Variants in ZNF827 observed in about 807,000 individuals in gnomAD.
The protein encoded by ZNF827 is zinc finger protein 827.
A neutral mutation model predicts 102.4 loss-of-function variants in ZNF827; 13 were observed. The ratio of observed to expected loss-of-function variants is 0.13; its 90% CI spans 0.08 to 0.20. The LOEUF is 0.20. ZNF827 is among the 10% of genes least tolerant of loss of function. The pLI, the probability that ZNF827 is intolerant of heterozygous loss-of-function variation, is 1.00. For missense variants in ZNF827, 1,103 were observed against 1,344.4 expected (o/e 0.82, Z 2.81); for synonymous variants, 523 against 536.2 (o/e 0.98, Z 0.34).
intron 4 of ZNF827, among the ~76,000 whole-genome samples, chr4:145,879,738 G>A (rs917371811): frequency 6.6e-6 from 1 of 152,180 alleles, no homozygotes; most frequent in Non-Finnish European, 1.5e-5. Flanking sequence ...TAATTCCTGA[G>A]ATGCCTAAAA....
chr4:145,934,539 G>A (rs778998713), intron 1 of ZNF827, among the ~76,000 whole-genome samples: 4 of 152,194 alleles, frequency 2.6e-5, no homozygotes, highest in Non-Finnish European at 5.9e-5. Flanking sequence ...TTAGCAGGCC[G>A]GAGCTCAGAC....
intron 6 of ZNF827, among the ~76,000 whole-genome samples, chr4:145,846,256 A>ATCAC (rs1745925082): frequency 1.3e-5 from 2 of 151,780 alleles, no homozygotes; most frequent in Non-Finnish European, 2.9e-5. Context: ...AGGCGGGCAG[A>ATCAC]TTAGGAGGTC....
intron 2 of ZNF827, among the ~76,000 whole-genome samples, chr4:145,894,535 T>C (rs1750834617): frequency 6.6e-6 from 1 of 152,228 alleles, no homozygotes; most frequent in South Asian, 2.1e-4. Flanking sequence ...TTCAACTGGA[T>C]GGAACCAGAG....
chr4:145,806,334 T>G (rs1741446477), intron 8 of ZNF827, among the ~76,000 whole-genome samples: 1 of 151,670 alleles, frequency 6.6e-6, no homozygotes, highest in African/African-American at 2.4e-5. Flanking sequence ...TTTTGTATTT[T>G]TGGTAAAGAT....
chr4:145,883,736 T>C (rs1027445193), intron 4 of ZNF827, among the ~76,000 whole-genome samples: 1 of 152,184 alleles, frequency 6.6e-6, no homozygotes, highest in Admixed American at 6.5e-5. Flanking sequence ...CCCACTCGGA[T>C]TGCCCCTGTC....
chr4:145,781,216 A>AG (rs1737989515), intron 8 of ZNF827, among the ~76,000 whole-genome samples: 1 of 118,082 alleles, frequency 8.5e-6, no homozygotes, highest in East Asian at 2.1e-4. Flanking sequence ...AAAAAAAAAA[A>AG]AGAAAAAAAA....
At position 145,757,751 on chromosome 4, in the gene ZNF827, C is replaced by A. The variant is rs1284599850; in HGVS notation, c.*3865G>T. On this transcript the variant is annotated 3_prime_UTR_variant, in exon 15 of 15. Transcript: ENST00000508784. ...CAGTTACTGTCAAAATGACCCTGTA[C>A]AGCCTCGTAATGCAAAAAGCTTTAT... is the stretch of plus-strand genomic sequence containing the variant. 2 of 151,548 alleles carry A rather than the reference C, an allele frequency of 1.3e-5. No individual in the cohort carries two copies. Among genetic ancestry groups the A allele is most frequent in the Non-Finnish European group, 2.9e-5 (2 of 67,948 alleles). 9.4% of individuals were successfully genotyped at this position (151,548 alleles called of 1,614,324 possible).
intron 8 of ZNF827, among the ~76,000 whole-genome samples, chr4:145,800,922 T>C (rs1469385732): frequency 6.6e-6 from 1 of 152,198 alleles, no homozygotes. Flanking sequence ...TAAATTCTAG[T>C]AGGGATACAG....
chr4:145,823,917 C>T (rs1443417773), intron 7 of ZNF827, among the ~76,000 whole-genome samples: 1 of 152,206 alleles, frequency 6.6e-6, no homozygotes, highest in Non-Finnish European at 1.5e-5. Flanking sequence ...ATTGCCCTGG[C>T]TCACCCATAT....
At chr4:145,800,256 A>G (rs1740762510) in intron 8 of ZNF827, among the ~76,000 whole-genome samples, 2 of 152,198 alleles carry the variant, frequency 1.3e-5, no homozygotes, top group South Asian at 2.1e-4. Flanking sequence ...GTATTAATAG[A>G]ACTATTAAGT....
At chr4:145,863,518 C>G (rs1405820298) in intron 5 of ZNF827, among the ~76,000 whole-genome samples, 2 of 152,014 alleles carry the variant, frequency 1.3e-5, no homozygotes, top group Non-Finnish European at 2.9e-5. Flanking sequence ...TATATCCATA[C>G]AATGGAATAT....
chr4:145,882,959 C>T (rs1749799331), intron 4 of ZNF827, among the ~76,000 whole-genome samples: 1 of 152,028 alleles, frequency 6.6e-6, no homozygotes, highest in Non-Finnish European at 1.5e-5. Flanking sequence ...GGGATTTGGC[C>T]TTTTTGTCCC....
intron 5 of ZNF827, among the ~76,000 whole-genome samples, chr4:145,853,796 T>C (rs528997572): frequency 9.9e-5 from 15 of 152,042 alleles, no homozygotes; most frequent in African/African-American, 3.1e-4. Flanking sequence ...CAAAACCCTA[T>C]ATCATAAAAA....
intron 5 of ZNF827, among the ~76,000 whole-genome samples, chr4:145,865,904 A>G (rs1748141648): frequency 6.6e-6 from 1 of 152,196 alleles, no homozygotes; most frequent in African/African-American, 2.4e-5. Context: ...CAAGACACTC[A>G]GTTGGGATTT....
At chr4:145,839,454 G>A (rs1175521069) in intron 7 of ZNF827, 1 of 152,258 alleles carries the variant, frequency 6.6e-6, no homozygotes, top group Non-Finnish European at 1.5e-5. Flanking sequence ...CTGCTGAGGT[G>A]AGCTCAGAAC....
intron 8 of ZNF827, among the ~76,000 whole-genome samples, chr4:145,800,636 A>G (rs1019778880): frequency 6.6e-6 from 1 of 152,068 alleles, no homozygotes; most frequent in African/African-American, 2.4e-5. Context: ...CTGCCAACAC[A>G]ATTTGGTGTT....
At chr4:145,873,253 C>T (rs966855716) in intron 4 of ZNF827, among the ~76,000 whole-genome samples, 4 of 152,130 alleles carry the variant, frequency 2.6e-5, no homozygotes, top group African/African-American at 4.8e-5. Flanking sequence ...TTTGTTTTAA[C>T]ACTGATGTGT....
chr4:145,791,630 C>T (rs113700327), intron 8 of ZNF827, among the ~76,000 whole-genome samples: 5 of 151,948 alleles, frequency 3.3e-5, no homozygotes, highest in African/African-American at 1.2e-4. Context: ...AATTTGAATA[C>T]ACATATACTT....
intron 8 of ZNF827, among the ~76,000 whole-genome samples, chr4:145,788,672 A>G (rs1169446036): frequency 6.6e-6 from 1 of 152,234 alleles, no homozygotes; most frequent in African/African-American, 2.4e-5. Flanking sequence ...AACTGACAAT[A>G]TTGATTCAGG....
Sources: allele counts gnomAD v4.1 joint callset (sites outside exome capture counted in the v4.1 genomes callset), GRCh38; gene constraint gnomAD v4.1.1; transcripts MANE v1.5; gene names NCBI Gene and HGNC (gene_info 2026-07-23, HGNC 2026-07-21).